C2CD3: variants seen among roughly 807,000 people sequenced by gnomAD.
C2CD3 encodes C2 domain-containing protein 3.
A neutral mutation model predicts 234.0 loss-of-function variants in C2CD3; 148 were observed. The ratio of observed to expected loss-of-function variants is 0.63; its 90% CI spans 0.55 to 0.72. The LOEUF (loss-of-function observed/expected upper bound fraction) is 0.72, where lower values mean the gene tolerates loss of function less well. Among genes scored for constraint, C2CD3 ranks in the 30% least tolerant of loss-of-function variants. The probability of loss-of-function intolerance (pLI) is 0.00; values close to 1 mark genes in which losing one functional copy is unlikely to be tolerated. For synonymous variants in C2CD3, 1,000 were observed against 1,035.4 expected, an observed-to-expected ratio of 0.97 and a Z score of 0.66; for missense variants, 2,577 against 2,811.5, an observed-to-expected ratio of 0.92 and a Z score of 1.89.
At chr11:74,106,316 C>A in intron 13 of C2CD3, 55 bp downstream of exon 13, 2 of 1,585,994 alleles carry the variant, frequency 1.3e-6, no homozygotes, top group Non-Finnish European at 1.7e-6. Context: ...TCAGTGCCAG[C>A]CAATAATGCA....
rs1254788613 is a variant in C2CD3 at position 74,082,843 on chromosome 11, T to C, written c.4000+2038A>G. On this transcript the variant is annotated intron_variant, in intron 22 of 32. Transcript: ENST00000334126. ...CATGCTCATGGATAGGAAGAATCAA[T>C]ATTGTGAAAATGGCCATACTGCCGA... 3.3e-5 allele frequency among the ~76,000 whole-genome samples: 5 copies of C among 152,268 alleles called. No individual in the cohort carries two copies. The East Asian group carries it at 9.6e-4, about 29-fold the overall frequency.
In C2CD3 at chr11:74,072,028, A is replaced by AG. The variant is rs1591389607; in HGVS notation, c.4951+2224_4951+2225insC. ...ATTTTCAATGCAACTACAAAAAAAA[A>AG]CTTTCCAAAAATAAAAGAAGCTTTT... is the stretch of plus-strand genomic sequence containing the variant. On this transcript the variant is annotated intron_variant, in intron 24 of 32. Coordinates refer to ENST00000334126, the MANE Select transcript of C2CD3 (RefSeq NM_001286577.2). Among the ~76,000 whole-genome samples, 3 of 152,182 alleles carry AG rather than the reference A, an allele frequency of 2.0e-5. No individual in the cohort carries two copies. In the East Asian group the frequency reaches 5.8e-4, roughly 29 times the overall value.
In C2CD3 at chr11:74,094,351, C is replaced by T. The variant is rs56292535; in HGVS notation, c.3161-352G>A. 3.4e-3 allele frequency among the ~76,000 whole-genome samples: 523 copies of T among 152,208 alleles called. 4 individuals are homozygous for T. The highest frequency in any genetic ancestry group is 0.012 in the African/African-American group (495 of 41,532). ...GTATATCTTTGGAGAAATGTCTATTCAGATCCTTTGCCCACTTTTTAATTG... is the reference window on the plus strand; with the variant it reads ...GTATATCTTTGGAGAAATGTCTATTTAGATCCTTTGCCCACTTTTTAATTG... On this transcript the variant is annotated intron_variant, in intron 17 of 32. Coordinates refer to ENST00000334126, the MANE Select transcript of C2CD3 (RefSeq NM_001286577.2).
At chr11:74,034,644 A>T in intron 30 of C2CD3, 1 of 1,533,160 alleles carries the variant, frequency 6.5e-7, no homozygotes, top group Non-Finnish European at 9.0e-7. Context: ...CCACTTATTT[A>T]CCTATTTGAT....
intron 24 of C2CD3, among the ~76,000 whole-genome samples, chr11:74,068,005 C>T (rs1255553990): frequency 1.3e-5 from 2 of 152,018 alleles, no homozygotes; most frequent in Non-Finnish European, 2.9e-5. Flanking sequence ...GCAGAGAGGC[C>T]CTGTGGCAAT....
intron 22 of C2CD3, among the ~76,000 whole-genome samples, chr11:74,079,020 C>T (rs1955205253): frequency 6.6e-6 from 1 of 152,150 alleles, no homozygotes; most frequent in African/African-American, 2.4e-5. Flanking sequence ...AATGGGAAAA[C>T]TGATGCTAGT....
chr11:74,054,718 T>C (rs1419809415), intron 25 of C2CD3, 47 bp from the exon 26 acceptor site: 1 of 1,309,254 alleles, frequency 7.6e-7, no homozygotes, highest in Non-Finnish European at 1.1e-6. Flanking sequence ...AGGAACTTTC[T>C]GTAGTATAAA....
At chr11:74,168,758 C>A in intron 1 of C2CD3, 145 bp from the exon 2 acceptor site, 2 of 713,626 alleles carry the variant, frequency 2.8e-6, no homozygotes, top group Non-Finnish European at 2.3e-6. Context: ...TTATCCTACC[C>A]ATTATTCTAA....
intron 3 of C2CD3, among the ~76,000 whole-genome samples, chr11:74,153,103 A>G (rs145141085): frequency 6.6e-6 from 1 of 152,206 alleles, no homozygotes; most frequent in East Asian, 1.9e-4. Context: ...CTGTAGTCTT[A>G]TTTACTCAGA....
At position 74,013,107 on chromosome 11, in the gene C2CD3, GCTTGGGTCCCA is replaced by G. The variant is rs1259255714; in HGVS notation, c.*267_*277del. 7 of 213,050 alleles carry G rather than the reference GCTTGGGTCCCA, an allele frequency of 3.3e-5. No individual in the cohort carries two copies. The highest frequency in any genetic ancestry group is 6.5e-5 in the Non-Finnish European group (7 of 108,416). 13.2% of individuals were successfully genotyped at this position (213,050 alleles called of 1,614,324 possible). A position where few individuals can be genotyped will look rare whatever the true frequency, so the allele number is the denominator to read the frequency against. On this transcript the variant is annotated 3_prime_UTR_variant, in exon 33 of 33. Coordinates refer to ENST00000334126, the MANE Select transcript of C2CD3 (RefSeq NM_001286577.2). ...GGCGTTTCTCCACCGAAAGATGCCT[GCTTGGGTCCCA>G]CTTGGGCGCGGATTCCATTTTATTT...
rs1299419196 is a variant in C2CD3, at chr11:74,164,194, A to G, written c.326-2638T>C. Reference sequence around the variant, plus strand: ...TGTGGAATTAGAATCCCTACTGTCCAGCACTATTCCTACTCCGATTTGTCT... The same window carrying G: ...TGTGGAATTAGAATCCCTACTGTCCGGCACTATTCCTACTCCGATTTGTCT... On this transcript the variant is annotated intron_variant, in intron 2 of 32. Transcript: ENST00000334126. 7.2e-6 allele frequency: 7 copies of G among 966,256 alleles called. No individual in the cohort carries two copies. In the Admixed American group the frequency reaches 4.3e-4, roughly 59 times the overall value. 59.9% of individuals were successfully genotyped at this position (966,256 alleles called of 1,614,324 possible).
chr11:74,074,211 T>A (rs770726739), intron 24 of C2CD3, 42 bp downstream of exon 24: 35 of 1,370,782 alleles, frequency 2.6e-5, no homozygotes, highest in Non-Finnish European at 3.5e-5. Context: ...GAGCACACCC[T>A]GAAGAGTTAG....
intron 32 of C2CD3, chr11:74,016,581 G>A (rs1357619193): frequency 1.3e-5 from 2 of 152,380 alleles, no homozygotes; most frequent in Non-Finnish European, 2.9e-5. Flanking sequence ...GCGGGGTGTG[G>A]AAGGACAGAG....
intron 5 of C2CD3, among the ~76,000 whole-genome samples, chr11:74,134,613 C>T (rs1283199558): frequency 6.6e-6 from 1 of 152,120 alleles, no homozygotes; most frequent in Admixed American, 6.6e-5. Context: ...TCTTGAGGTT[C>T]CACAGGTGCT....
chr11:74,106,539 C>G (rs763609444), intron 12 of C2CD3, 46 bp from the exon 13 acceptor site: 62 of 1,577,776 alleles, frequency 3.9e-5, no homozygotes, highest in Non-Finnish European at 4.7e-5. Context: ...AAAGAGAAGC[C>G]ACAGGTGATC....
At chr11:74,151,360 C>T (rs1855646353) in intron 3 of C2CD3, among the ~76,000 whole-genome samples, 1 of 151,782 alleles carries the variant, frequency 6.6e-6, no homozygotes, top group Admixed American at 6.6e-5. Flanking sequence ...CTCCATCACC[C>T]AGGCTGGAGT....
intron 32 of C2CD3, among the ~76,000 whole-genome samples, chr11:74,015,847 G>A (rs1299834213): frequency 6.6e-6 from 1 of 150,766 alleles, no homozygotes. Context: ...CAGGGGGATC[G>A]CATGAGTCTA....
chr11:74,048,715 A>G (rs1008833948), intron 27 of C2CD3, among the ~76,000 whole-genome samples: 3 of 152,222 alleles, frequency 2.0e-5, no homozygotes, highest in Non-Finnish European at 4.4e-5. Flanking sequence ...GGCCGAAGAA[A>G]TGACCTTCCT....
chr11:74,050,715 G>GTCTCAAAAAA (rs1285294455), intron 26 of C2CD3, among the ~76,000 whole-genome samples: 32 of 147,154 alleles, frequency 2.2e-4, no homozygotes, highest in African/African-American at 7.6e-4. Flanking sequence ...ACATTTGTTT[G>GTCTCAAAAAA]GACAGCTTGC....
Sources: gnomAD v4.1 joint callset for allele counts (sites outside exome capture counted in the v4.1 genomes callset) on GRCh38, gnomAD v4.1.1 for gene constraint, MANE v1.5 for transcripts, NCBI Gene and HGNC (gene_info 2026-07-23, HGNC 2026-07-21) for gene names.